Variants in FAM227B observed in about 807,000 individuals in gnomAD.
FAM227B encodes the protein protein FAM227B.
A neutral mutation model predicts 73.8 loss-of-function variants in FAM227B; 88 were observed. The observed-to-expected ratio is 1.19, with a 90% CI of 1.00 to 1.42. FAM227B has a LOEUF of 1.42. Among genes scored for constraint, FAM227B ranks in the 40% most tolerant of loss-of-function variants. FAM227B has a pLI of 0.00. For synonymous variants in FAM227B, 210 were observed against 190.5 expected, an observed-to-expected ratio of 1.10 and a Z score of -0.84; for missense variants, 632 against 590.9, an observed-to-expected ratio of 1.07 and a Z score of -0.72.
At chr15:49,581,311 G>T (rs2075796356) in intron 5 of FAM227B, among the ~76,000 whole-genome samples, 1 of 152,028 alleles carries the variant, frequency 6.6e-6, no homozygotes, top group South Asian at 2.1e-4. Flanking sequence ...GAAGAGATTG[G>T]GGGCCTATAT....
chr15:49,575,178 G>A, intron 7 of FAM227B, 69 bp from the exon 8 acceptor site: 1 of 853,840 alleles, frequency 1.2e-6, no homozygotes, highest in Non-Finnish European at 1.9e-6. Context: ...AATGTAAATA[G>A]GCTTTATAAA....
At chr15:49,334,382 G>C in intron 14 of FAM227B, 1 of 274,408 alleles carries the variant, frequency 3.6e-6, no homozygotes, top group Non-Finnish European at 5.6e-6. Context: ...TGATATACAC[G>C]TGTTAGTAAA....
intron 3 of FAM227B, among the ~76,000 whole-genome samples, chr15:49,604,376 T>C (rs1274252090): frequency 6.6e-6 from 1 of 152,108 alleles, no homozygotes; most frequent in Admixed American, 6.5e-5. Flanking sequence ...TTCGTTATCA[T>C]CCCACTCTCT....
At chr15:49,585,733 C>T (rs990454225) in intron 5 of FAM227B, among the ~76,000 whole-genome samples, 7 of 152,170 alleles carry the variant, frequency 4.6e-5, no homozygotes, top group African/African-American at 7.2e-5. Flanking sequence ...AGGAGATATA[C>T]CTAATGCTAA....
At chr15:49,567,862 T>C (rs1236735786) in intron 9 of FAM227B, among the ~76,000 whole-genome samples, 11 of 152,012 alleles carry the variant, frequency 7.2e-5, no homozygotes, top group African/African-American at 2.7e-4. Context: ...GCTTAGTCCT[T>C]GGGCATAAAA....
At chr15:49,439,524 T>C (rs2051433459) in intron 11 of FAM227B, among the ~76,000 whole-genome samples, 1 of 151,796 alleles carries the variant, frequency 6.6e-6, no homozygotes. Flanking sequence ...GCATGGTTTT[T>C]GCATCTGAAG....
chr15:49,489,460 T>G (rs2056689811), intron 11 of FAM227B: 1 of 682,288 alleles, frequency 1.5e-6, no homozygotes, highest in Non-Finnish European at 1.8e-6. Context: ...TGTGGCTACT[T>G]AGAACTCCCA....
chr15:49,479,861 G>A (rs1445783534), intron 11 of FAM227B, among the ~76,000 whole-genome samples: 2 of 152,024 alleles, frequency 1.3e-5, no homozygotes, highest in African/African-American at 4.8e-5. Context: ...TGATCCACCC[G>A]CGTTGGCCTC....
chr15:49,515,580 T>G (rs1439720396), intron 10 of FAM227B, among the ~76,000 whole-genome samples: 3 of 152,156 alleles, frequency 2.0e-5, no homozygotes, highest in Non-Finnish European at 4.4e-5. Context: ...GGTAAGTAGT[T>G]TTAACGCCTG....
chr15:49,590,141 A>G (rs2076437701), intron 3 of FAM227B, 134 bp from the exon 4 acceptor site: 1 of 586,746 alleles, frequency 1.7e-6, no homozygotes, highest in East Asian at 2.9e-5. Flanking sequence ...TAAAAATTTG[A>G]AACAATCACA....
At chr15:49,350,633 T>TCAGA (rs1318636957) in intron 13 of FAM227B, among the ~76,000 whole-genome samples, 1 of 152,132 alleles carries the variant, frequency 6.6e-6, no homozygotes, top group Non-Finnish European at 1.5e-5. Context: ...AACAACAGAT[T>TCAGA]CAGAACCCCT....
rs2051542379 is a variant in FAM227B at position 49,440,560 on chromosome 15, T to C, written c.1012+67651A>G. On this transcript the variant is annotated intron_variant, in intron 11 of 15. Coordinates refer to ENST00000299338, the MANE Select transcript of FAM227B (RefSeq NM_152647.3). Reference sequence around the variant, plus strand: ...TTGTTGTACAGTCATACAGCTAAAATAAAATTAACCAAATTAATGCATTAA... The same window carrying C: ...TTGTTGTACAGTCATACAGCTAAAACAAAATTAACCAAATTAATGCATTAA... Among the ~76,000 whole-genome samples the C allele has an allele frequency of 2.0e-5, 3 of 151,914 alleles. No homozygotes were observed. The South Asian group carries it at 6.2e-4, about 31-fold the overall frequency.
chr15:49,340,041 A>T (rs1239261191), intron 13 of FAM227B, among the ~76,000 whole-genome samples: 1 of 152,082 alleles, frequency 6.6e-6, no homozygotes, highest in East Asian at 1.9e-4. Context: ...AGTGGATCTT[A>T]ACTTGCTGGG....
intron 11 of FAM227B, among the ~76,000 whole-genome samples, chr15:49,445,542 T>G (rs1368785491): frequency 6.6e-6 from 1 of 151,590 alleles, no homozygotes; most frequent in Non-Finnish European, 1.5e-5. Context: ...AATTTTCTCC[T>G]AGTTTGGTTC....
At chr15:49,606,636 A>G (rs2077539336) in intron 3 of FAM227B, among the ~76,000 whole-genome samples, 1 of 152,172 alleles carries the variant, frequency 6.6e-6, no homozygotes, top group Non-Finnish European at 1.5e-5. Context: ...TGTGAATATC[A>G]TCATCATTCC....
intron 13 of FAM227B, among the ~76,000 whole-genome samples, chr15:49,348,407 C>A (rs2041825814): frequency 6.6e-6 from 1 of 152,198 alleles, no homozygotes; most frequent in Admixed American, 6.5e-5. Flanking sequence ...GGAACTCCCA[C>A]TTTGAAATTT....
chr15:49,455,854 CT>C (rs1212700334), intron 11 of FAM227B, among the ~76,000 whole-genome samples: 1 of 151,602 alleles, frequency 6.6e-6, no homozygotes, highest in African/African-American at 2.4e-5. Context: ...TGGCTTTTTT[CT>C]TTTTTTTCTT....
chr15:49,603,699 T>C (rs962632549), intron 3 of FAM227B, among the ~76,000 whole-genome samples: 2 of 152,132 alleles, frequency 1.3e-5, no homozygotes, highest in African/African-American at 2.4e-5. Flanking sequence ...GTTAGAATAA[T>C]AGTGGTGAAA....
intron 13 of FAM227B, among the ~76,000 whole-genome samples, chr15:49,357,424 A>G (rs1259559003): frequency 6.6e-6 from 1 of 151,488 alleles, no homozygotes; most frequent in Non-Finnish European, 1.5e-5. Context: ...TCCCACAGAA[A>G]TACAAACTAC....
Sources: gnomAD v4.1 joint callset for allele counts (sites outside exome capture counted in the v4.1 genomes callset) on GRCh38, gnomAD v4.1.1 for gene constraint, MANE v1.5 for transcripts, NCBI Gene and HGNC (gene_info 2026-07-23, HGNC 2026-07-21) for gene names.